RIMKLB: variants seen among roughly 807,000 people sequenced by gnomAD.
RIMKLB encodes ribosomal modification protein rimK like family member B.
A neutral mutation model predicts 32.0 loss-of-function variants in RIMKLB; 7 were observed. That is an observed-to-expected ratio of 0.22 (90% confidence interval 0.12 to 0.41). RIMKLB has a LOEUF of 0.41. RIMKLB is among the 10% of genes least tolerant of loss of function. RIMKLB has a pLI of 1.00. For synonymous variants in RIMKLB, 172 were observed against 185.1 expected, an observed-to-expected ratio of 0.93 and a Z score of 0.57; for missense variants, 289 against 498.7, an observed-to-expected ratio of 0.58 and a Z score of 4.00.
At chr12:8,749,502 C>T (rs917282122) in intron 2 of RIMKLB, among the ~76,000 whole-genome samples, 8 of 152,364 alleles carry the variant, frequency 5.3e-5, no homozygotes, top group African/African-American at 1.9e-4. Flanking sequence ...GCCACTGCAC[C>T]CGGCCCACTT....
intron 5 of RIMKLB, among the ~76,000 whole-genome samples, chr12:8,767,184 G>A: frequency 6.6e-6 from 1 of 152,224 alleles, no homozygotes; most frequent in East Asian, 1.9e-4. Context: ...AAGGAATAGG[G>A]CACACTGTTT....
chr12:8,759,824 T>TAAA (rs1949365979), intron 5 of RIMKLB, among the ~76,000 whole-genome samples: 1 of 152,180 alleles, frequency 6.6e-6, no homozygotes, highest in African/African-American at 2.4e-5. Flanking sequence ...CTGAAATAGG[T>TAAA]TTAGTGTTTT....
At chr12:8,672,556 A>G in the RIMKLB span, among the ~76,000 whole-genome samples, 1 of 152,160 alleles carries the variant, frequency 6.6e-6, no homozygotes, top group Non-Finnish European at 1.5e-5. Flanking sequence ...TAAACCCATC[A>G]GATCTCATGA....
At chr12:8,711,107 A>G (rs1944339164) in intron 1 of RIMKLB, among the ~76,000 whole-genome samples, 1 of 152,054 alleles carries the variant, frequency 6.6e-6, no homozygotes, top group Non-Finnish European at 1.5e-5. Context: ...GGTGGTGGGC[A>G]TCTGTAATCC....
chr12:8,696,678 T>G (rs1048672789), upstream of RIMKLB, among the ~76,000 whole-genome samples: 4 of 152,050 alleles, frequency 2.6e-5, no homozygotes, highest in African/African-American at 9.7e-5. Flanking sequence ...GCAGTCTGGA[T>G]CCAGAAGTTA....
rs574161574 is a variant in RIMKLB at position 8,683,406 on chromosome 12, G to C, written n.219+1588G>C. 5.3e-5 allele frequency among the ~76,000 whole-genome samples: 8 copies of C among 152,270 alleles called. No homozygotes were observed. The South Asian group carries it at 1.5e-3, about 28-fold the overall frequency. ...TGAATGGAGTTTCTGTTGCTTCACA[G>C]CCTCCCCAGCATTTGGTGGTGTCCG... On this transcript the variant is annotated intron_variant and non_coding_transcript_variant, in intron 1 of 1. Transcript: ENST00000538758.
intron 2 of RIMKLB, among the ~76,000 whole-genome samples, chr12:8,716,693 G>C (rs1265664695): frequency 8.3e-6 from 1 of 120,200 alleles, no homozygotes. Context: ...AATGACTTTA[G>C]TTAGCCCTCT....
intron 2 of RIMKLB, among the ~76,000 whole-genome samples, chr12:8,741,192 G>GT (rs1947483948): frequency 7.0e-6 from 1 of 143,028 alleles, no homozygotes; most frequent in African/African-American, 2.7e-5. Context: ...GGCGACAGAG[G>GT]GAGACTCTGT....
intron 1 of RIMKLB, among the ~76,000 whole-genome samples, chr12:8,709,336 G>GT (rs1446826785): frequency 2.5e-4 from 38 of 152,148 alleles, no homozygotes; most frequent in Non-Finnish European, 2.9e-4. Context: ...CAGCATTTCT[G>GT]TTTTTTCCTG....
intron 1 of RIMKLB, among the ~76,000 whole-genome samples, chr12:8,709,928 T>A (rs1044398116): frequency 6.6e-6 from 1 of 152,188 alleles, no homozygotes; most frequent in Non-Finnish European, 1.5e-5. Context: ...AATTATCCCT[T>A]GTGGATATGG....
intron 2 of RIMKLB, among the ~76,000 whole-genome samples, chr12:8,738,662 G>A (rs150497508): frequency 6.6e-6 from 1 of 152,288 alleles, no homozygotes; most frequent in African/African-American, 2.4e-5. Flanking sequence ...ATAAGAAAAG[G>A]AGAGTAGAGA....
At chr12:8,677,046 T>C (rs1942347346), upstream of RIMKLB, among the ~76,000 whole-genome samples, 1 of 152,150 alleles carries the variant, frequency 6.6e-6, no homozygotes, top group African/African-American at 2.4e-5. Flanking sequence ...TGGTTTTTAA[T>C]TCAAGTCTCA....
the RIMKLB span, among the ~76,000 whole-genome samples, chr12:8,675,617 A>G: frequency 7.2e-5 from 11 of 152,356 alleles, no homozygotes; most frequent in East Asian, 7.7e-4. Flanking sequence ...CATCAACTCC[A>G]AAAGAAGGAA....
At chr12:8,760,939 C>G (rs1949469418) in intron 5 of RIMKLB, among the ~76,000 whole-genome samples, 1 of 152,102 alleles carries the variant, frequency 6.6e-6, no homozygotes, top group African/African-American at 2.4e-5. Context: ...ATCTTGGCAT[C>G]TTTAATTTAG....
chr12:8,691,817 G>C (rs34187657), intron 1 of RIMKLB, among the ~76,000 whole-genome samples: 33,666 of 152,052 alleles, frequency 0.22, 3,989 homozygotes, highest in Non-Finnish European at 0.26. Context: ...CCATTAGGAT[G>C]CTTCCAGACT....
At chr12:8,695,146 A>C (rs983607679), upstream of RIMKLB, among the ~76,000 whole-genome samples, 2 of 152,124 alleles carry the variant, frequency 1.3e-5, no homozygotes, top group Non-Finnish European at 2.9e-5. Context: ...ATGCTAGGTT[A>C]CTTATAGTAT....
chr12:8,685,078 T>C (rs1353060327), intron 1 of RIMKLB, among the ~76,000 whole-genome samples: 1 of 152,228 alleles, frequency 6.6e-6, no homozygotes, highest in Non-Finnish European at 1.5e-5. Flanking sequence ...TAGGCAATCA[T>C]GTCATCTGCG....
At chr12:8,701,073 G>A (rs775036236) in intron 1 of RIMKLB, among the ~76,000 whole-genome samples, 1 of 151,422 alleles carries the variant, frequency 6.6e-6, no homozygotes, top group Non-Finnish European at 1.5e-5. Context: ...CAAAAAAAAA[G>A]AAAAAAGAAA....
intron 4 of RIMKLB, among the ~76,000 whole-genome samples, chr12:8,752,821 A>G (rs962206489): frequency 4.6e-5 from 7 of 151,420 alleles, no homozygotes; most frequent in African/African-American, 1.7e-4. Flanking sequence ...GCTCACTGCA[A>G]CCTCTGTCTC....
Sources: gnomAD v4.1 joint callset for allele counts (sites outside exome capture counted in the v4.1 genomes callset) on GRCh38, gnomAD v4.1.1 for gene constraint, MANE v1.5 for transcripts, NCBI Gene and HGNC (gene_info 2026-07-23, HGNC 2026-07-21) for gene names.